Variants in GALNTL6 observed in about 807,000 individuals in gnomAD.
The protein encoded by GALNTL6 is polypeptide N-acetylgalactosaminyltransferase like 6.
In GALNTL6, 46 loss-of-function variants were observed where a neutral mutation model predicts 73.7. The observed-to-expected ratio is 0.62, with a 90% CI of 0.49 to 0.80. The LOEUF is 0.80. Among genes scored for constraint, GALNTL6 ranks in the 30% least tolerant of loss-of-function variants. The pLI is 0.00. For missense variants in GALNTL6, 604 were observed against 755.0 expected, an observed-to-expected ratio of 0.80 and a Z score of 2.34; for synonymous variants, 259 against 263.7, an observed-to-expected ratio of 0.98 and a Z score of 0.17.
intron 5 of GALNTL6, among the ~76,000 whole-genome samples, chr4:172,573,023 ATATC>A (rs1736822228): frequency 6.6e-6 from 1 of 152,140 alleles, no homozygotes; most frequent in African/African-American, 2.4e-5. Flanking sequence ...TTACCCCATA[ATATC>A]ACTAAATAGA....
chr4:172,227,386 A>G (rs1010680222), intron 2 of GALNTL6, among the ~76,000 whole-genome samples: 11 of 152,158 alleles, frequency 7.2e-5, no homozygotes, highest in African/African-American at 1.7e-4. Flanking sequence ...ACAACCTTAT[A>G]TTTAACTGTT....
intron 2 of GALNTL6, among the ~76,000 whole-genome samples, chr4:172,047,643 A>T (rs1311492332): frequency 6.6e-6 from 1 of 152,208 alleles, no homozygotes; most frequent in African/African-American, 2.4e-5. Flanking sequence ...AGTCAATATC[A>T]TTATTAACTA....
chr4:172,836,779 TC>T, intron 7 of GALNTL6, among the ~76,000 whole-genome samples: 2 of 152,246 alleles, frequency 1.3e-5, no homozygotes, highest in South Asian at 4.1e-4. Context: ...GAGTTTTAAT[TC>T]CCAGTATCAA....
At chr4:173,011,992 C>G (rs538066236) in intron 11 of GALNTL6, among the ~76,000 whole-genome samples, 31 of 152,336 alleles carry the variant, frequency 2.0e-4, no homozygotes, top group African/African-American at 7.0e-4. Context: ...CAGCCTCAAA[C>G]TCCTGGGCTC....
chr4:172,592,763 A>G (rs1427698541), intron 5 of GALNTL6, among the ~76,000 whole-genome samples: 18 of 151,302 alleles, frequency 1.2e-4, no homozygotes, highest in Non-Finnish European at 2.7e-4. Flanking sequence ...GCCAGTTTTC[A>G]CCTCTTCCTT....
intron 2 of GALNTL6, among the ~76,000 whole-genome samples, chr4:172,003,264 A>G (rs938124161): frequency 3.3e-5 from 5 of 152,140 alleles, no homozygotes; most frequent in African/African-American, 1.2e-4. Flanking sequence ...GACAATCATT[A>G]CACACATCTA....
intron 10 of GALNTL6, among the ~76,000 whole-genome samples, chr4:173,005,560 G>A (rs1482719233): frequency 1.3e-5 from 2 of 152,192 alleles, no homozygotes; most frequent in East Asian, 3.9e-4. Context: ...GAATAAACAA[G>A]TATTAGAATC....
At chr4:172,534,488 T>C (rs1735275797) in intron 5 of GALNTL6, among the ~76,000 whole-genome samples, 1 of 152,242 alleles carries the variant, frequency 6.6e-6, no homozygotes, top group Non-Finnish European at 1.5e-5. Flanking sequence ...CTATTTAGAA[T>C]AAGTGGTATG....
chr4:172,291,494 A>T (rs1474172620), intron 3 of GALNTL6, among the ~76,000 whole-genome samples: 1 of 152,148 alleles, frequency 6.6e-6, no homozygotes. Flanking sequence ...GATACTAAAA[A>T]ATCATATCTG....
chr4:172,798,743 A>G (rs1330021815), intron 5 of GALNTL6, among the ~76,000 whole-genome samples: 1 of 152,234 alleles, frequency 6.6e-6, no homozygotes, highest in Non-Finnish European at 1.5e-5. Context: ...TTTAAAAACT[A>G]TATAACCTGA....
At chr4:172,055,094 G>T (rs930879923) in intron 2 of GALNTL6, among the ~76,000 whole-genome samples, 2 of 152,098 alleles carry the variant, frequency 1.3e-5, no homozygotes, top group African/African-American at 4.8e-5. Context: ...TTTATTATTT[G>T]CTGAATGAGG....
At chr4:172,880,522 CA>C (rs1210474726) in intron 7 of GALNTL6, among the ~76,000 whole-genome samples, 1 of 151,972 alleles carries the variant, frequency 6.6e-6, no homozygotes, top group Non-Finnish European at 1.5e-5. Flanking sequence ...GAAGAGATTA[CA>C]AAGAGACATG....
At position 172,941,100 on chromosome 4, in the gene GALNTL6, A is replaced by G. The variant is rs929730816; in HGVS notation, c.1149+9832A>G. Among the ~76,000 whole-genome samples the G allele has an allele frequency of 3.9e-5, 6 of 152,218 alleles. No homozygotes were observed. The South Asian group carries it at 1.0e-3, about 26-fold the overall frequency. On this transcript the variant is annotated intron_variant, in intron 9 of 12. Coordinates refer to ENST00000506823, the MANE Select transcript of GALNTL6 (RefSeq NM_001034845.3). ...GAATTTTGCTTAATTTAAATTTTTC[A>G]AATATTCCATTGTGCTTTCCCAATT...
At chr4:171,946,389 T>C (rs1292232908) in intron 2 of GALNTL6, among the ~76,000 whole-genome samples, 1 of 152,198 alleles carries the variant, frequency 6.6e-6, no homozygotes, top group Non-Finnish European at 1.5e-5. Flanking sequence ...TTACTGCTTT[T>C]ACAGCCTTAG....
At chr4:172,808,801 C>T (rs779552606) in intron 5 of GALNTL6, among the ~76,000 whole-genome samples, 254 of 152,330 alleles carry the variant, frequency 1.7e-3, no homozygotes, top group Non-Finnish European at 1.9e-3. Flanking sequence ...ATTTCATCTG[C>T]AGCCAGTCAC....
At chr4:171,924,976 G>A (rs1042980962) in intron 2 of GALNTL6, among the ~76,000 whole-genome samples, 2 of 152,116 alleles carry the variant, frequency 1.3e-5, no homozygotes, top group African/African-American at 4.8e-5. Flanking sequence ...AAAACTCCGT[G>A]GGCACTTATC....
chr4:172,877,499 G>A (rs566592797), intron 7 of GALNTL6, among the ~76,000 whole-genome samples: 27 of 151,992 alleles, frequency 1.8e-4, no homozygotes, highest in African/African-American at 4.8e-4. Flanking sequence ...CATAAAGAAT[G>A]TTTTCCTGAT....
At chr4:172,076,200 AT>A (rs1200514192) in intron 2 of GALNTL6, among the ~76,000 whole-genome samples, 11 of 152,218 alleles carry the variant, frequency 7.2e-5, no homozygotes, top group African/African-American at 2.7e-4. Flanking sequence ...CATTTGCTAA[AT>A]TAGTCTCTGC....
chr4:171,906,288 G>A (rs1219962537), intron 2 of GALNTL6, among the ~76,000 whole-genome samples: 26 of 151,146 alleles, frequency 1.7e-4, no homozygotes, highest in East Asian at 5.8e-4. Flanking sequence ...TCAAATAGAC[G>A]CAATAAAAAA....
Sources: gnomAD v4.1 joint callset for allele counts (sites outside exome capture counted in the v4.1 genomes callset) on GRCh38, gnomAD v4.1.1 for gene constraint, MANE v1.5 for transcripts, NCBI Gene and HGNC (gene_info 2026-07-23, HGNC 2026-07-21) for gene names.